The following ME3 variants were observed in gnomAD, a reference collection of about 807,000 sequenced individuals.
ME3 encodes malic enzyme 3, also known as NADP-dependent malic enzyme, mitochondrial.
ME3 carries 48 observed loss-of-function variants against 68.9 expected under a neutral mutation model. That is an observed-to-expected ratio of 0.70 (90% CI 0.55 to 0.89). ME3 has a LOEUF of 0.89. Ranked by LOEUF, ME3 falls within the 40% of genes least tolerant of loss-of-function variation. The probability of loss-of-function intolerance (pLI) is 0.00; values close to 1 mark genes in which losing one functional copy is unlikely to be tolerated. For missense variants in ME3, 675 were observed against 797.4 expected (o/e 0.85, Z 1.85); for synonymous variants, 320 against 318.8 (o/e 1.00, Z -0.04).
chr11:86,505,671 A>G (rs1953024190), intron 5 of ME3, among the ~76,000 whole-genome samples: 2 of 152,310 alleles, frequency 1.3e-5, no homozygotes, highest in South Asian at 2.1e-4. Context: ...TTCGATGTGT[A>G]TAGACTTTAT....
downstream of ME3, among the ~76,000 whole-genome samples, chr11:86,438,278 C>A (rs1456604368): frequency 2.6e-5 from 4 of 151,968 alleles, no homozygotes; most frequent in Admixed American, 2.0e-4. Context: ...AATTGAACAA[C>A]CATATTGAAC....
intron 8 of ME3, among the ~76,000 whole-genome samples, chr11:86,451,281 G>A (rs1264088802): frequency 6.6e-6 from 1 of 152,198 alleles, no homozygotes; most frequent in Non-Finnish European, 1.5e-5. Context: ...AAGGAGGTCT[G>A]GGGAAAAGGT....
chr11:86,598,871 C>G (rs1960063697), intron 2 of ME3, among the ~76,000 whole-genome samples: 1 of 152,228 alleles, frequency 6.6e-6, no homozygotes, highest in Non-Finnish European at 1.5e-5. Context: ...CAAACTCCAA[C>G]AGACCTGCAG....
intron 4 of ME3, among the ~76,000 whole-genome samples, chr11:86,535,214 CT>C (rs1955569888): frequency 6.6e-6 from 1 of 152,110 alleles, no homozygotes; most frequent in South Asian, 2.1e-4. Flanking sequence ...TACTTCTTAC[CT>C]CCACTCCCAC....
At chr11:86,540,070 A>G (rs576267646) in intron 4 of ME3, among the ~76,000 whole-genome samples, 17 of 152,318 alleles carry the variant, frequency 1.1e-4, no homozygotes, top group African/African-American at 4.1e-4. Context: ...TTTCTGAGCT[A>G]GGGAATCTGG....
intron 2 of ME3, among the ~76,000 whole-genome samples, chr11:86,648,980 C>T (rs1338336606): frequency 6.6e-6 from 1 of 151,748 alleles, no homozygotes. Context: ...CCAGAATCAT[C>T]CTGATACCAA....
chr11:86,511,034 C>T (rs1314256963), intron 4 of ME3, among the ~76,000 whole-genome samples: 2 of 152,200 alleles, frequency 1.3e-5, no homozygotes, highest in Non-Finnish European at 2.9e-5. Context: ...TTTTATACAA[C>T]CCGTTGCCAA....
At chr11:86,494,052 GAA>G (rs57702708) in intron 6 of ME3, among the ~76,000 whole-genome samples, 1 of 148,854 alleles carries the variant, frequency 6.7e-6, no homozygotes, top group Non-Finnish European at 1.5e-5. Flanking sequence ...CGGTTTCATT[GAA>G]AAAAAAAAAA....
intron 2 of ME3, among the ~76,000 whole-genome samples, chr11:86,669,591 C>T (rs974715589): frequency 3.9e-5 from 6 of 152,178 alleles, no homozygotes; most frequent in Non-Finnish European, 7.3e-5. Flanking sequence ...TTCATTATCA[C>T]GAGAACAGCA....
intron 7 of ME3, among the ~76,000 whole-genome samples, chr11:86,475,874 T>TATATATAGAGAGAGAGAGAGAGAGAG: frequency 3.3e-5 from 3 of 91,472 alleles, no homozygotes; most frequent in African/African-American, 1.0e-4. Flanking sequence ...TATATATATA[T>TATATATAGAGAGAGAGAGAGAGAGAG]AGAGAGAGAG....
intron 2 of ME3, among the ~76,000 whole-genome samples, chr11:86,614,894 A>C (rs561728560): frequency 1.3e-5 from 2 of 152,318 alleles, no homozygotes; most frequent in East Asian, 3.9e-4. Flanking sequence ...CATACCACTT[A>C]CCACTTCCAA....
intron 4 of ME3, among the ~76,000 whole-genome samples, chr11:86,509,412 ACACACACACACACACACG>A (rs1482368609): frequency 7.0e-6 from 1 of 143,344 alleles, no homozygotes; most frequent in Non-Finnish European, 1.6e-5. Context: ...ACACACACAC[ACACACACACACACACACG>A]CATGTGCGAA....
At chr11:86,555,144 A>G (rs585749) in intron 4 of ME3, among the ~76,000 whole-genome samples, 138,376 of 152,198 alleles carry the variant, frequency 0.91, 63,081 homozygotes, top group African/African-American at 0.95. Flanking sequence ...GAAGAACATC[A>G]GTGTACTTGG....
At chr11:86,477,894 G>C (rs1260764280) in intron 7 of ME3, among the ~76,000 whole-genome samples, 5 of 152,130 alleles carry the variant, frequency 3.3e-5, no homozygotes, top group Admixed American at 6.5e-5. Context: ...TTGTCACCAT[G>C]CAAAATCTGG....
At chr11:86,570,324 T>G (rs1957720664) in intron 2 of ME3, among the ~76,000 whole-genome samples, 1 of 152,192 alleles carries the variant, frequency 6.6e-6, no homozygotes, top group African/African-American at 2.4e-5. Flanking sequence ...CAGTTTAAGC[T>G]GATGAGCTGT....
At chr11:86,482,627 G>A (rs1211336891) in intron 7 of ME3, among the ~76,000 whole-genome samples, 1 of 150,828 alleles carries the variant, frequency 6.6e-6, no homozygotes, top group African/African-American at 2.4e-5. Flanking sequence ...ATAATGTGGT[G>A]GAAGTTAGAC....
intron 7 of ME3, among the ~76,000 whole-genome samples, chr11:86,487,108 A>G (rs569797432): frequency 2.0e-5 from 3 of 152,316 alleles, no homozygotes; most frequent in Non-Finnish European, 2.9e-5. Flanking sequence ...GCCTTCAGCC[A>G]TCAACCCTCT....
chr11:86,503,258 G>C (rs1051395443), intron 5 of ME3, among the ~76,000 whole-genome samples: 1 of 152,196 alleles, frequency 6.6e-6, no homozygotes, highest in African/African-American at 2.4e-5. Context: ...GCATCATACC[G>C]CATGAGGTGG....
chr11:86,658,452 T>C (rs1266550636), intron 2 of ME3, among the ~76,000 whole-genome samples: 1 of 151,934 alleles, frequency 6.6e-6, no homozygotes, highest in African/African-American at 2.4e-5. Flanking sequence ...GCAAATAATA[T>C]ATGTAACACA....
Sources: gnomAD v4.1 joint callset for allele counts (sites outside exome capture counted in the v4.1 genomes callset) on GRCh38, gnomAD v4.1.1 for gene constraint, MANE v1.5 for transcripts, NCBI Gene and HGNC (gene_info 2026-07-23, HGNC 2026-07-21) for gene names.